ADGRL2: variants seen among roughly 807,000 people sequenced by gnomAD.
ADGRL2 encodes the protein calcium-independent alpha-latrotoxin receptor 2.
ADGRL2 carries 44 observed loss-of-function variants against 157.4 expected under a neutral mutation model. The ratio of observed to expected loss-of-function variants is 0.28; its 90% CI spans 0.22 to 0.36. The LOEUF (loss-of-function observed/expected upper bound fraction) is 0.36, where lower values mean the gene tolerates loss of function less well. Ranked by LOEUF, ADGRL2 falls within the 10% of genes least tolerant of loss-of-function variation. ADGRL2 has a pLI of 1.00. For synonymous variants in ADGRL2, 585 were observed against 624.7 expected (o/e 0.94, Z 0.95); for missense variants, 1,510 against 1,768.9 (o/e 0.85, Z 2.63).
intron 1 of ADGRL2, among the ~76,000 whole-genome samples, chr1:81,402,036 A>G (rs1315640552): frequency 1.3e-5 from 2 of 152,156 alleles, no homozygotes; most frequent in Admixed American, 1.3e-4. Context: ...AACTAAATGG[A>G]CATAAATTGG....
chr1:81,615,390 C>T lies in ADGRL2; in HGVS notation c.-143+34410C>T, dbSNP rs556619252. On this transcript the variant is annotated intron_variant, in intron 3 of 24. Transcript: ENST00000370721. Reference sequence around the variant, plus strand: ...GTGGAAGCTTTGTTCTTTCGCTCTTCGCAATAAATCTTGCTGCTGCTCACT... The same window carrying T: ...GTGGAAGCTTTGTTCTTTCGCTCTTTGCAATAAATCTTGCTGCTGCTCACT... Among the ~76,000 whole-genome samples, 10 of 152,342 alleles carry T rather than the reference C, an allele frequency of 6.6e-5. No homozygotes were observed. The South Asian group carries it at 1.7e-3, about 25-fold the overall frequency.
chr1:81,477,544 C>A (rs1009958886), intron 2 of ADGRL2, among the ~76,000 whole-genome samples: 1 of 152,164 alleles, frequency 6.6e-6, no homozygotes, highest in Admixed American at 6.6e-5. Flanking sequence ...GCAAAAGGAT[C>A]TTTTGGATAA....
intron 1 of ADGRL2, among the ~76,000 whole-genome samples, chr1:81,714,842 G>A (rs1347934605): frequency 1.3e-5 from 2 of 150,162 alleles, no homozygotes; most frequent in African/African-American, 2.4e-5. Context: ...ACAGGTTTGG[G>A]CATGTTTTGT....
intron 3 of ADGRL2, among the ~76,000 whole-genome samples, chr1:81,630,574 G>A (rs956705626): frequency 6.6e-6 from 1 of 151,974 alleles, no homozygotes; most frequent in Non-Finnish European, 1.5e-5. Context: ...TATGACCTTC[G>A]AGTTTCTTTT....
chr1:81,462,994 A>C (rs1379937678), intron 2 of ADGRL2, among the ~76,000 whole-genome samples: 2 of 151,464 alleles, frequency 1.3e-5, no homozygotes, highest in African/African-American at 4.9e-5. Context: ...GCACACCTGT[A>C]GTCTCAGGTA....
intron 1 of ADGRL2, among the ~76,000 whole-genome samples, chr1:81,718,131 T>C (rs2084177311): frequency 6.6e-6 from 1 of 152,158 alleles, no homozygotes. Flanking sequence ...GTGATTCTCC[T>C]GCCTCAGCCT....
At chr1:81,400,374 G>T (rs964489887) in intron 1 of ADGRL2, among the ~76,000 whole-genome samples, 7 of 152,110 alleles carry the variant, frequency 4.6e-5, no homozygotes, top group Non-Finnish European at 1.0e-4. Context: ...GATGAATGTA[G>T]GTTGCCCACA....
At chr1:81,924,062 G>T (rs981814389) in intron 3 of ADGRL2, among the ~76,000 whole-genome samples, 4 of 152,140 alleles carry the variant, frequency 2.6e-5, no homozygotes, top group African/African-American at 9.7e-5. Context: ...TCCGATTCAG[G>T]TAGTCAGGGA....
chr1:81,314,236 T>A (rs1302829473), intron 1 of ADGRL2, among the ~76,000 whole-genome samples: 1 of 152,200 alleles, frequency 6.6e-6, no homozygotes, highest in Non-Finnish European at 1.5e-5. Flanking sequence ...CCCATATACA[T>A]GTGTATCTAT....
intron 3 of ADGRL2, among the ~76,000 whole-genome samples, chr1:81,639,857 C>T (rs111740194): frequency 0.011 from 1,745 of 152,154 alleles, 28 homozygotes; most frequent in African/African-American, 0.038. Flanking sequence ...TAATTTAACC[C>T]AGGATGCTAG....
At chr1:81,537,050 T>C (rs141958212) in intron 2 of ADGRL2, among the ~76,000 whole-genome samples, 111 of 152,346 alleles carry the variant, frequency 7.3e-4, no homozygotes, top group Admixed American at 2.2e-3. Flanking sequence ...TTATTTTTGA[T>C]AAATACTTGT....
intron 1 of ADGRL2, among the ~76,000 whole-genome samples, chr1:81,803,526 A>G (rs903601365): frequency 6.6e-6 from 1 of 151,872 alleles, no homozygotes; most frequent in African/African-American, 2.4e-5. Flanking sequence ...TTCTCTTTTT[A>G]GGGACTCCTC....
chr1:81,942,796 C>A (rs1572263481), intron 5 of ADGRL2, 173 bp from the exon 6 acceptor site: 1 of 679,278 alleles, frequency 1.5e-6, no homozygotes, highest in Non-Finnish European at 2.7e-6. Context: ...CCCTGATACA[C>A]TGATTATGCT....
rs1013897566 is a variant in ADGRL2, at chr1:81,965,957, A to G, written c.2018-101A>G. The G allele has an allele frequency of 6.5e-6, 8 of 1,238,160 alleles. No homozygotes were observed. In the African/African-American group the frequency reaches 1.1e-4, roughly 16 times the overall value. The allele number at this position is 1,238,160 out of a possible 1,614,324, so 76.7% of individuals were successfully genotyped here. The stretch of plus-strand genomic sequence containing the variant: ...TAACAGTAAAATTTTTTAAGTAGGC[A>G]AAAAGAAAACAGTAGTTTCCATACA... On this transcript the variant is annotated intron_variant, in intron 11 of 23. Transcript: ENST00000686636.
At chr1:81,671,535 C>T (rs1400501864) in intron 3 of ADGRL2, among the ~76,000 whole-genome samples, 2 of 148,308 alleles carry the variant, frequency 1.3e-5, no homozygotes, top group African/African-American at 5.0e-5. Flanking sequence ...TTTTTTTAAA[C>T]AGAGTTTTGC....
intron 3 of ADGRL2, among the ~76,000 whole-genome samples, chr1:81,658,410 A>T (rs980930464): frequency 6.6e-5 from 10 of 152,076 alleles, no homozygotes; most frequent in Non-Finnish European, 1.2e-4. Context: ...GTCTCTTTTT[A>T]AAAAATGGTT....
intron 2 of ADGRL2, among the ~76,000 whole-genome samples, chr1:81,895,140 C>T (rs565852723): frequency 1.2e-3 from 176 of 152,162 alleles, no homozygotes; most frequent in Middle Eastern, 6.8e-3. Flanking sequence ...GATTAGTCTT[C>T]GGATTCAGAG....
At chr1:81,419,731 T>C (rs1040383064) in intron 1 of ADGRL2, among the ~76,000 whole-genome samples, 2 of 152,212 alleles carry the variant, frequency 1.3e-5, no homozygotes, top group Non-Finnish European at 1.5e-5. Context: ...AGAAAATTCC[T>C]TGAGGAGAAG....
rs1664777869 is a variant in ADGRL2 at position 81,992,738 on chromosome 1, G to A, written c.*1593G>A. ...TGGGTATCATAAAAAGTTTTTAACT[G>A]ATTTTTCAGCAGTATTGGGAAGTTT... On this transcript the variant is annotated 3_prime_UTR_variant, in exon 24 of 24. Coordinates refer to ENST00000686636, the MANE Select transcript of ADGRL2 (RefSeq NM_001366006.2). Among the ~76,000 whole-genome samples, 1 of 151,982 alleles carries A rather than the reference G, an allele frequency of 6.6e-6. No homozygotes were observed. Among genetic ancestry groups the A allele is most frequent in the African/African-American group, 2.4e-5 (1 of 41,374 alleles).
Sources: gnomAD v4.1 joint callset for allele counts (sites outside exome capture counted in the v4.1 genomes callset) on GRCh38, gnomAD v4.1.1 for gene constraint, MANE v1.5 for transcripts, NCBI Gene and HGNC (gene_info 2026-07-23, HGNC 2026-07-21) for gene names.